The following KCNA2 variants were observed in gnomAD, a reference collection of about 807,000 sequenced individuals.
KCNA2 encodes the protein potassium voltage-gated channel subfamily A member 2.
A neutral mutation model predicts 33.4 loss-of-function variants in KCNA2; 11 were observed. That is an observed-to-expected ratio of 0.33 (90% CI 0.21 to 0.55). KCNA2 has a LOEUF of 0.55. KCNA2 is among the 20% of genes least tolerant of loss of function. The pLI, the probability that KCNA2 is intolerant of heterozygous loss-of-function variation, is 0.93. For missense variants in KCNA2, 291 were observed against 621.6 expected, an observed-to-expected ratio of 0.47 and a Z score of 5.66; for synonymous variants, 222 against 231.3, an observed-to-expected ratio of 0.96 and a Z score of 0.37.
At position 110,599,751 on chromosome 1, in the gene KCNA2, T is replaced by C; in HGVS notation, c.*3532A>G. On this transcript the variant is annotated 3_prime_UTR_variant, in exon 3 of 3. Transcript: ENST00000316361. ...CAGTTTCTTGAGCCATTACTGCTTT[T>C]AAGAGAATAGGGCTGAATCTGGAGA... 1.0e-6 allele frequency: 1 copy of C among 985,454 alleles called. No homozygotes were observed. Among genetic ancestry groups the C allele is most frequent in the Non-Finnish European group, 1.2e-6 (1 of 829,952 alleles). 61.0% of individuals were successfully genotyped at this position (985,454 alleles called of 1,614,324 possible). A position where few individuals can be genotyped will look rare whatever the true frequency, so the allele number is the denominator to read the frequency against.
chr1:110,594,317 ATATATGTGTG>A lies in KCNA2; in HGVS notation c.*8956_*8965del. The A allele has an allele frequency of 2.2e-6, 2 of 913,584 alleles. No individual in the cohort carries two copies. The highest frequency in any genetic ancestry group is 2.6e-6 in the Non-Finnish European group (2 of 768,882). 56.6% of individuals were successfully genotyped at this position (913,584 alleles called of 1,614,324 possible). A position where few individuals can be genotyped will look rare whatever the true frequency, so the allele number is the denominator to read the frequency against. Reference sequence around the variant, plus strand: ...TCTATATATATATATACATATATATATATATGTGTGTGTATATATATATACACACACATCA... The same window carrying A: ...TCTATATATATATATACATATATATATGTATATATATATACACACACATCA... On this transcript the variant is annotated 3_prime_UTR_variant, in exon 3 of 3. Transcript: ENST00000316361.
Position 110,602,083 on chromosome 1 carries a change from C to T in KCNA2, c.*1200G>A. ...GTCCACTGTACAGTCATGCCCGCGACTAGGTTAATTCCTAAGGTGCAGTCA... is the reference window on the plus strand; with the variant it reads ...GTCCACTGTACAGTCATGCCCGCGATTAGGTTAATTCCTAAGGTGCAGTCA... On this transcript the variant is annotated 3_prime_UTR_variant, in exon 3 of 3. Transcript: ENST00000316361. 1 of 1,550,538 alleles carries T rather than the reference C, an allele frequency of 6.4e-7. No homozygotes were observed. The highest frequency in any genetic ancestry group is 8.7e-7 in the Non-Finnish European group (1 of 1,146,994).
intron 1 of KCNA2, among the ~76,000 whole-genome samples, chr1:110,627,080 C>CA (rs1203070341): frequency 6.6e-6 from 1 of 152,160 alleles, no homozygotes. Context: ...GTTTCACACA[C>CA]ACAGGAAACT....
In KCNA2 at chr1:110,601,722, G is replaced by A; in HGVS notation, c.*1561C>T. On this transcript the variant is annotated 3_prime_UTR_variant, in exon 3 of 3. Transcript: ENST00000316361. Reference sequence around the variant, plus strand: ...ACAAATTAACCCATTAGGCCTCTTAGACAGCCAACCCACCAAGCAGTGGAT... The same window carrying A: ...ACAAATTAACCCATTAGGCCTCTTAAACAGCCAACCCACCAAGCAGTGGAT... The A allele has an allele frequency of 8.6e-7, 1 of 1,160,718 alleles. No homozygotes were observed. Among genetic ancestry groups the A allele is most frequent in the Non-Finnish European group, 1.1e-6 (1 of 945,300 alleles). The allele number at this position is 1,160,718 out of a possible 1,614,324, so 71.9% of individuals were successfully genotyped here. A position where few individuals can be genotyped will look rare whatever the true frequency, so the allele number is the denominator to read the frequency against.
rs2101358406 is a variant in KCNA2, at chr1:110,596,432, GT to G, written c.*6850del. The G allele has an allele frequency of 5.0e-6, 1 of 200,812 alleles. No homozygotes were observed. The highest frequency in any genetic ancestry group is 8.9e-6 in the Non-Finnish European group (1 of 112,586). The allele number at this position is 200,812 out of a possible 1,614,324, so 12.4% of individuals were successfully genotyped here. A position where few individuals can be genotyped will look rare whatever the true frequency, so the allele number is the denominator to read the frequency against. ...CAAAACCTCGATTGACAAGAATTAT[GT>G]TTTCTTACTATCCTTTCAGTAGAAA... On this transcript the variant is annotated 3_prime_UTR_variant, in exon 3 of 3. Coordinates refer to ENST00000316361, the MANE Select transcript of KCNA2 (RefSeq NM_004974.4).
chr1:110,604,432 C>G lies in KCNA2; in HGVS notation c.351G>C (p.Glu117Asp). Residue 117 changes from glutamate to aspartate, a missense_variant, in exon 3 of 3, where the codon GAG becomes GAC. Physicochemically the swap from Glu to Asp is conservative, Grantham distance 45. Coordinates refer to ENST00000316361, the MANE Select transcript of KCNA2 (RefSeq NM_004974.4). The surrounding 1 kb of genome is among the most constrained non-coding windows in gnomAD (Gnocchi z 7.6). ...DIFSEEIRFY[E>D]LGEEAMEMFR... is the part of the protein sequence containing the mutation. ...ACATCTCCATCGCTTCTTCTCCCAGCTCATAAAACCGAATTTCTTCAGAGA... is the reference window on the plus strand; with the variant it reads ...ACATCTCCATCGCTTCTTCTCCCAGGTCATAAAACCGAATTTCTTCAGAGA... The G allele has an allele frequency of 6.2e-7, 1 of 1,614,174 alleles. No homozygotes were observed. The highest frequency in any genetic ancestry group is 8.5e-7 in the Non-Finnish European group (1 of 1,180,044).
chr1:110,598,712 G>A lies in KCNA2; in HGVS notation c.*4571C>T. 1.0e-6 allele frequency: 1 copy of A among 985,298 alleles called. No homozygotes were observed. The highest frequency in any genetic ancestry group is 1.2e-6 in the Non-Finnish European group (1 of 829,918). The allele number at this position is 985,298 out of a possible 1,614,324, so 61.0% of individuals were successfully genotyped here. Reference sequence around the variant, plus strand: ...TAAAAGGCTAACCTCATGGTGACATGCCAACACTAGCCTCAGAAACACAGG... The same window carrying A: ...TAAAAGGCTAACCTCATGGTGACATACCAACACTAGCCTCAGAAACACAGG... On this transcript the variant is annotated 3_prime_UTR_variant, in exon 3 of 3. Transcript: ENST00000316361.
intron 1 of KCNA2, among the ~76,000 whole-genome samples, chr1:110,619,488 A>G (rs1227812800): frequency 6.6e-6 from 1 of 152,254 alleles, no homozygotes; most frequent in Non-Finnish European, 1.5e-5. Flanking sequence ...TCTGCAGAAA[A>G]GACAGACGCA....
chr1:110,623,453 A>C (rs1650309895), intron 1 of KCNA2, among the ~76,000 whole-genome samples: 1 of 152,242 alleles, frequency 6.6e-6, no homozygotes, highest in African/African-American at 2.4e-5. Flanking sequence ...TAAAAGAACA[A>C]ATTGATAAAT....
At chr1:110,629,709 T>G (rs909443114) in intron 1 of KCNA2, among the ~76,000 whole-genome samples, 12 of 152,196 alleles carry the variant, frequency 7.9e-5, no homozygotes, top group African/African-American at 2.9e-4. Flanking sequence ...AGACACCTGT[T>G]TGTGGCATAA....
intron 1 of KCNA2, among the ~76,000 whole-genome samples, chr1:110,620,440 C>T (rs1650224876): frequency 6.6e-6 from 1 of 152,276 alleles, no homozygotes; most frequent in South Asian, 2.1e-4. Context: ...GTCTCCCAGG[C>T]ATGGCTGCCC....
Position 110,595,197 on chromosome 1 carries a change from A to C in KCNA2, c.*8086T>G. 2 of 985,430 alleles carry C rather than the reference A, an allele frequency of 2.0e-6. No individual in the cohort carries two copies. Among genetic ancestry groups the C allele is most frequent in the Non-Finnish European group, 2.4e-6 (2 of 829,930 alleles). 61.0% of individuals were successfully genotyped at this position (985,430 alleles called of 1,614,324 possible). A position where few individuals can be genotyped will look rare whatever the true frequency, so the allele number is the denominator to read the frequency against. ...CAGTAGCTGTCCACATTATTACATA[A>C]TCATGCCCTGTGCATCCATCAGTGG... On this transcript the variant is annotated 3_prime_UTR_variant, in exon 3 of 3. Coordinates refer to ENST00000316361, the MANE Select transcript of KCNA2 (RefSeq NM_004974.4).
chr1:110,612,076 G>A (rs1649892090), intron 1 of KCNA2, among the ~76,000 whole-genome samples: 1 of 152,106 alleles, frequency 6.6e-6, no homozygotes. Flanking sequence ...GCTAATGAGG[G>A]TAGTCCCTCC....
At position 110,594,306 on chromosome 1, in the gene KCNA2, T is replaced by C. The variant is rs937348814; in HGVS notation, c.*8977A>G. On this transcript the variant is annotated 3_prime_UTR_variant, in exon 3 of 3. Transcript: ENST00000316361. ...CTCTCTCTCTCTCTATATATATATA[T>C]ACATATATATATATATGTGTGTGTA... is the stretch of plus-strand genomic sequence containing the variant. 80 of 884,092 alleles carry C rather than the reference T, an allele frequency of 9.0e-5. No individual in the cohort carries two copies. The highest frequency in any genetic ancestry group is 5.6e-4 in the African/African-American group (29 of 51,468). 54.8% of individuals were successfully genotyped at this position (884,092 alleles called of 1,614,324 possible). A position where few individuals can be genotyped will look rare whatever the true frequency, so the allele number is the denominator to read the frequency against.
chr1:110,597,100 G>A lies in KCNA2; in HGVS notation c.*6183C>T. The stretch of plus-strand genomic sequence containing the variant: ...CCACAAGAACCTGCTTCCTTCTGCA[G>A]CTCTCACGGAGTCCCTTTGGTTGAG... On this transcript the variant is annotated 3_prime_UTR_variant, in exon 3 of 3. Transcript: ENST00000316361. The A allele has an allele frequency of 1.0e-6, 1 of 985,452 alleles. No homozygotes were observed. The highest frequency in any genetic ancestry group is 1.2e-6 in the Non-Finnish European group (1 of 829,954). 61.0% of individuals were successfully genotyped at this position (985,452 alleles called of 1,614,324 possible).
At position 110,604,180 on chromosome 1, in the gene KCNA2, G is replaced by A. The variant is rs755177877; in HGVS notation, c.603C>T (p.Thr201=). The change falls in exon 3 of 3, where the codon ACC becomes ACT. Residue 201 remains threonine, a synonymous_variant. Coordinates refer to ENST00000316361, the MANE Select transcript of KCNA2 (RefSeq NM_004974.4). This position sits in a 1 kb window ranked among gnomAD's most constrained non-coding sequence, Gnocchi z 7.6. Reference sequence around the variant, plus strand: ...TGGTGCTGTTGGAATAGGTGTGGAAGGTCACCCCACTACCATGCATGTCTT... The same window carrying A: ...TGGTGCTGTTGGAATAGGTGTGGAAAGTCACCCCACTACCATGCATGTCTT... ...ENEDMHGSGV[T]FHTYSNSTIG... is the part of the protein sequence containing the mutation. 1.2e-6 allele frequency: 2 copies of A among 1,614,188 alleles called. No individual in the cohort carries two copies. Among genetic ancestry groups the A allele is most frequent in the East Asian group, 2.2e-5 (1 of 44,886 alleles).
chr1:110,598,354 C>T lies in KCNA2; in HGVS notation c.*4929G>A. On this transcript the variant is annotated 3_prime_UTR_variant, in exon 3 of 3. Coordinates refer to ENST00000316361, the MANE Select transcript of KCNA2 (RefSeq NM_004974.4). ...GCCTGACATAGGGGTAGTGGTGCCA[C>T]CTTCATATGCAATTTGCACACTGTT... The T allele has an allele frequency of 1.0e-6, 1 of 983,496 alleles. No individual in the cohort carries two copies. Among genetic ancestry groups the T allele is most frequent in the Non-Finnish European group, 1.2e-6 (1 of 828,292 alleles). 60.9% of individuals were successfully genotyped at this position (983,496 alleles called of 1,614,324 possible). A position where few individuals can be genotyped will look rare whatever the true frequency, so the allele number is the denominator to read the frequency against.
chr1:110,615,228 A>AAGGC (rs1650010612), intron 1 of KCNA2, among the ~76,000 whole-genome samples: 2 of 152,134 alleles, frequency 1.3e-5, no homozygotes, highest in Admixed American at 1.3e-4. Context: ...GCCACACACC[A>AAGGC]CTTACCTAGG....
upstream of KCNA2, among the ~76,000 whole-genome samples, chr1:110,608,460 C>T (rs112585735): frequency 8.6e-4 from 131 of 152,314 alleles, no homozygotes; most frequent in Middle Eastern, 0.014. Flanking sequence ...CCCTACCCTC[C>T]GGCCGGGAAA....
Sources: allele counts gnomAD v4.1 joint callset (sites outside exome capture counted in the v4.1 genomes callset), GRCh38; gene constraint gnomAD v4.1.1; non-coding constraint Gnocchi (gnomAD v3.1); transcripts MANE v1.5; gene names NCBI Gene and HGNC (gene_info 2026-07-23, HGNC 2026-07-21).